Variants in NFAT5 observed in about 807,000 individuals in gnomAD.
NFAT5 encodes the protein nuclear factor of activated T-cells 5.
Under a neutral mutation model 166.5 loss-of-function variants are expected in NFAT5, and 31 were observed. That is an observed-to-expected ratio of 0.19 (90% CI 0.14 to 0.25). The LOEUF (loss-of-function observed/expected upper bound fraction) is 0.25, where lower values mean the gene tolerates loss of function less well. Among genes scored for constraint, NFAT5 ranks in the 10% least tolerant of loss-of-function variants. The pLI is 1.00. For missense variants in NFAT5, 1,449 were observed against 1,821.8 expected (o/e 0.80, Z 3.72); for synonymous variants, 612 against 639.7 (o/e 0.96, Z 0.65).
In NFAT5 at chr16:69,692,213, G is replaced by T. The variant is rs1350848866; in HGVS notation, c.2388G>T (p.Leu796=). 1.9e-6 allele frequency: 3 copies of T among 1,614,196 alleles called. No individual in the cohort carries two copies. In the South Asian group the frequency reaches 3.3e-5, roughly 18 times the overall value. ...AGCTTCAGAATACTATTCAGCAGCTGCAAGCAGGGAGTTTCACAGGCAGTA... is the reference window on the plus strand; with the variant it reads ...AGCTTCAGAATACTATTCAGCAGCTTCAAGCAGGGAGTTTCACAGGCAGTA... ...VSQLQNTIQQ[L]QAGSFTGSTA... Residue 796 remains leucine, a synonymous_variant, in exon 13 of 15, where the codon CTG becomes CTT. Transcript: ENST00000349945.
chr16:69,617,014 G>A (rs959056478), intron 2 of NFAT5, among the ~76,000 whole-genome samples: 1 of 150,802 alleles, frequency 6.6e-6, no homozygotes, highest in African/African-American at 2.4e-5. Context: ...CGCGATCTCG[G>A]CTCACTGCAA....
At chr16:69,568,763 A>G (rs1252945323) in intron 2 of NFAT5, among the ~76,000 whole-genome samples, 1 of 152,100 alleles carries the variant, frequency 6.6e-6, no homozygotes, top group Non-Finnish European at 1.5e-5. Context: ...TTTGAGAAAC[A>G]TTGAAAAAAA....
chr16:69,687,390 C>T (rs1567608466), intron 11 of NFAT5, among the ~76,000 whole-genome samples: 1 of 139,630 alleles, frequency 7.2e-6, no homozygotes, highest in Non-Finnish European at 1.5e-5. Flanking sequence ...GTAGTGAGCC[C>T]AGATTGAGCC....
chr16:69,645,992 A>G (rs2035424008), intron 3 of NFAT5, among the ~76,000 whole-genome samples: 1 of 152,204 alleles, frequency 6.6e-6, no homozygotes, highest in African/African-American at 2.4e-5. Flanking sequence ...AAATAGTTTT[A>G]TAAAAAATAT....
Position 69,647,449 on chromosome 16 carries a change from G to C in NFAT5, c.675G>C (p.Lys225Asn). Reference protein sequence around the residue: ...VPRKSRKRNPKQRPGVKRRDC... With the variant: ...VPRKSRKRNPNQRPGVKRRDC... The stretch of plus-strand genomic sequence containing the variant: ...GTAAATCACGAAAACGAAATCCAAA[G>C]CAGAGGCCGGGGGTCAAACGACGAG... The change falls in exon 4 of 15, where the codon AAG becomes AAC. Residue 225 changes from lysine (K) to asparagine (N), a missense_variant. Lys to Asn is a moderately conservative substitution (Grantham distance 94). Coordinates refer to ENST00000349945, the MANE Select transcript of NFAT5 (RefSeq NM_138713.4). This position sits in a 1 kb window ranked among gnomAD's most constrained non-coding sequence, Gnocchi z 4.8. The C allele has an allele frequency of 1.2e-6, 2 of 1,614,066 alleles. No individual in the cohort carries two copies. Among genetic ancestry groups the C allele is most frequent in the Non-Finnish European group, 1.7e-6 (2 of 1,180,018 alleles).
intron 2 of NFAT5, among the ~76,000 whole-genome samples, chr16:69,624,141 G>A (rs1229340364): frequency 6.6e-6 from 1 of 152,178 alleles, no homozygotes; most frequent in African/African-American, 2.4e-5. Context: ...TTTGCCACAT[G>A]ATTTGAAGAT....
At chr16:69,621,635 G>A (rs2034202451) in intron 2 of NFAT5, among the ~76,000 whole-genome samples, 1 of 152,146 alleles carries the variant, frequency 6.6e-6, no homozygotes, top group Non-Finnish European at 1.5e-5. Context: ...ATAACATGAA[G>A]TAGCCGGCAC....
chr16:69,644,937 C>T (rs2035373902), intron 3 of NFAT5: 2 of 425,006 alleles, frequency 4.7e-6, no homozygotes, highest in African/African-American at 2.0e-5. Context: ...ATATTGCATG[C>T]TGCATACTTG....
intron 2 of NFAT5, among the ~76,000 whole-genome samples, chr16:69,584,784 C>T (rs1382989502): frequency 6.6e-6 from 1 of 151,898 alleles, no homozygotes; most frequent in Non-Finnish European, 1.5e-5. Flanking sequence ...AAGACCCTGT[C>T]TCAAAAATAA....
chr16:69,686,294 A>G (rs2037300301), intron 11 of NFAT5, among the ~76,000 whole-genome samples: 1 of 151,884 alleles, frequency 6.6e-6, no homozygotes, highest in African/African-American at 2.4e-5. Context: ...TGGAGGCTAC[A>G]GTGAGCCAAG....
At chr16:69,625,770 A>G (rs1445377143) in intron 2 of NFAT5, among the ~76,000 whole-genome samples, 3 of 152,068 alleles carry the variant, frequency 2.0e-5, no homozygotes, top group Non-Finnish European at 2.9e-5. Flanking sequence ...AAAGGAAGAT[A>G]CTGGACCATC....
At chr16:69,651,790 C>A (rs1408162812) in intron 4 of NFAT5, among the ~76,000 whole-genome samples, 1 of 151,830 alleles carries the variant, frequency 6.6e-6, no homozygotes, top group Non-Finnish European at 1.5e-5. Context: ...CCTGCCTCAG[C>A]CTCCCGAGTA....
chr16:69,592,305 C>T (rs916360204), intron 2 of NFAT5, among the ~76,000 whole-genome samples: 2 of 152,110 alleles, frequency 1.3e-5, no homozygotes, highest in African/African-American at 4.8e-5. Context: ...GTCTCGAACT[C>T]ATGACCTCAA....
chr16:69,625,180 G>A (rs2034399514), intron 2 of NFAT5, among the ~76,000 whole-genome samples: 1 of 152,080 alleles, frequency 6.6e-6, no homozygotes, highest in Non-Finnish European at 1.5e-5. Context: ...GGAATTTACA[G>A]GCATGACCAT....
At chr16:69,672,096 C>G (rs2036646218) in intron 9 of NFAT5, among the ~76,000 whole-genome samples, 1 of 152,224 alleles carries the variant, frequency 6.6e-6, no homozygotes, top group African/African-American at 2.4e-5. Flanking sequence ...CCAGAACTCT[C>G]TCTGGGTAAA....
chr16:69,649,143 G>A, intron 4 of NFAT5: 2 of 902,644 alleles, frequency 2.2e-6, no homozygotes, highest in Non-Finnish European at 2.6e-6. Context: ...TATAAAATAA[G>A]GCTCTGAAAT....
intron 2 of NFAT5, among the ~76,000 whole-genome samples, chr16:69,580,651 A>G (rs2142927572): frequency 6.6e-6 from 1 of 152,246 alleles, no homozygotes; most frequent in South Asian, 2.1e-4. Context: ...TTTTAGGATG[A>G]AATCCAAATT....
chr16:69,574,656 T>C (rs752260924), intron 2 of NFAT5, among the ~76,000 whole-genome samples: 16 of 152,176 alleles, frequency 1.1e-4, no homozygotes, highest in African/African-American at 3.4e-4. Flanking sequence ...TTGAAAAATA[T>C]ATACTTTTCT....
At chr16:69,582,271 A>G (rs181741035) in intron 2 of NFAT5, among the ~76,000 whole-genome samples, 1,535 of 152,292 alleles carry the variant, frequency 0.01, 14 homozygotes, top group Non-Finnish European at 0.016. Flanking sequence ...TCTCAAATAA[A>G]TAAGTAAATA....
Sources: allele counts gnomAD v4.1 joint callset (sites outside exome capture counted in the v4.1 genomes callset), GRCh38; gene constraint gnomAD v4.1.1; non-coding constraint Gnocchi (gnomAD v3.1); transcripts MANE v1.5; gene names NCBI Gene and HGNC (gene_info 2026-07-23, HGNC 2026-07-21).